The following ZNF292 variants were observed in gnomAD, a reference collection of about 807,000 sequenced individuals.
ZNF292 encodes 16 zinc-finger domain protein.
In ZNF292, 26 loss-of-function variants were observed where a neutral mutation model predicts 217.9. That is an observed-to-expected ratio of 0.12 (90% CI 0.09 to 0.17). The LOEUF is 0.17. Among genes scored for constraint, ZNF292 ranks in the 10% least tolerant of loss-of-function variants. The pLI, the probability that ZNF292 is intolerant of heterozygous loss-of-function variation, is 1.00. For missense variants in ZNF292, 2,904 were observed against 3,175.2 expected (o/e 0.91, Z 2.05); for synonymous variants, 1,257 against 1,124.1 (o/e 1.12, Z -2.37).
At chr6:87,187,880 A>G (rs565070903) in intron 1 of ZNF292, among the ~76,000 whole-genome samples, 2 of 152,234 alleles carry the variant, frequency 1.3e-5, no homozygotes, top group South Asian at 4.2e-4. Context: ...GGATAGAGAA[A>G]GGACAGTGGG....
intron 5 of ZNF292, among the ~76,000 whole-genome samples, chr6:87,239,841 G>A (rs1447165175): frequency 6.6e-6 from 1 of 151,856 alleles, no homozygotes; most frequent in Non-Finnish European, 1.5e-5. Context: ...GATGGCGGCC[G>A]GGAAGAGGCG....
At chr6:87,175,537 C>T (rs1236064500) in intron 1 of ZNF292, among the ~76,000 whole-genome samples, 1 of 152,150 alleles carries the variant, frequency 6.6e-6, no homozygotes, top group Admixed American at 6.5e-5. Context: ...CAGTGTCTCA[C>T]TATGTTGCCC....
chr6:87,222,716 C>T, intron 4 of ZNF292: 3 of 421,638 alleles, frequency 7.1e-6, no homozygotes, highest in Non-Finnish European at 1.4e-5. Context: ...TTAATTAATC[C>T]ATAATTTATT....
intron 1 of ZNF292, among the ~76,000 whole-genome samples, chr6:87,196,835 C>A (rs1043074068): frequency 6.6e-6 from 1 of 152,010 alleles, no homozygotes; most frequent in Non-Finnish European, 1.5e-5. Context: ...TTGTATTATT[C>A]CCAGAAAGCA....
intron 1 of ZNF292, among the ~76,000 whole-genome samples, chr6:87,206,972 GT>G (rs1772276073): frequency 6.6e-6 from 1 of 152,234 alleles, no homozygotes; most frequent in Non-Finnish European, 1.5e-5. Context: ...GATGTAGTTT[GT>G]GAGTTAATGT....
At chr6:87,160,142 G>A (rs1363273649) in intron 1 of ZNF292, among the ~76,000 whole-genome samples, 6 of 152,206 alleles carry the variant, frequency 3.9e-5, no homozygotes, top group Non-Finnish European at 8.8e-5. Context: ...GTCTCTGGAG[G>A]AAGGTAGACA....
At chr6:87,171,905 C>T (rs983394360) in intron 1 of ZNF292, among the ~76,000 whole-genome samples, 83 of 152,270 alleles carry the variant, frequency 5.5e-4, no homozygotes, top group African/African-American at 1.9e-3. Flanking sequence ...ATACCACTAG[C>T]GGAACATACT....
intron 1 of ZNF292, among the ~76,000 whole-genome samples, chr6:87,193,366 G>A (rs1187648747): frequency 2.6e-5 from 4 of 151,918 alleles, no homozygotes; most frequent in Admixed American, 2.0e-4. Context: ...GGAATATGAC[G>A]AAAAACATTT....
chr6:87,206,915 G>C (rs1160374856), intron 1 of ZNF292, among the ~76,000 whole-genome samples: 1 of 152,176 alleles, frequency 6.6e-6, no homozygotes, highest in Non-Finnish European at 1.5e-5. Flanking sequence ...AAGATCTGAA[G>C]TTTCTTTGCA....
chr6:87,222,801 T>C lies in ZNF292; in HGVS notation c.538+4070T>C, dbSNP rs75489193. 2,076 of 453,624 alleles carry C rather than the reference T, an allele frequency of 4.6e-3. 37 individuals carry two copies. The highest frequency in any genetic ancestry group is 0.035 in the African/African-American group (1,738 of 50,080). 28.1% of individuals were successfully genotyped at this position (453,624 alleles called of 1,614,324 possible). On this transcript the variant is annotated intron_variant, in intron 4 of 7. Coordinates refer to ENST00000369577, the MANE Select transcript of ZNF292 (RefSeq NM_015021.3). ...ATCCAGGATACCACATTACATTTAG[T>C]CGTCATGTCTTCTTAGGCTCCTCTT...
In ZNF292 at chr6:87,257,084, A is replaced by G. The variant is rs769058799; in HGVS notation, c.3455A>G (p.Lys1152Arg). 1.2e-6 allele frequency: 2 copies of G among 1,613,902 alleles called. No individual in the cohort carries two copies. Among genetic ancestry groups the G allele is most frequent in the Admixed American group, 3.3e-5 (2 of 59,968 alleles). The stretch of plus-strand genomic sequence containing the variant: ...AACTTAAATACACCAAATAATGGAA[A>G]GTTTGTTTATTTTTTGCCATCACCG... Reference protein sequence around the residue: ...ANNLNTPNNGKFVYFLPSPVN... With the variant: ...ANNLNTPNNGRFVYFLPSPVN... Residue 1152 changes from lysine (K) to arginine (R), a missense_variant, in exon 8 of 8, where the codon AAG becomes AGG. Transcript: ENST00000369577.
intron 3 of ZNF292, 36 bp downstream of exon 3, chr6:87,216,413 A>C: frequency 7.0e-7 from 1 of 1,438,026 alleles, no homozygotes; most frequent in East Asian, 2.4e-5. Context: ...ATACAGGTAT[A>C]TCTTATGTCA....
Position 87,260,255 on chromosome 6 carries a change from C to A in ZNF292, c.6626C>A (p.Ala2209Asp), listed in dbSNP as rs1775493047. ...CCTGAAGAAATTGAAAGTATGACTG[C>A]TTCAGTGGATGTTGGGAAGTTTCCA... ...MTPEEIESMT[A>D]SVDVGKFPCD... is the part of the protein sequence containing the mutation. Residue 2209 changes from alanine to aspartate, a missense_variant, in exon 8 of 8, where the codon GCT (alanine) becomes GAT (aspartate). Around this residue, in one of 15 missense-constraint regions of ZNF292, gnomAD observed 261 missense variants for 272.8 expected, o/e 0.96. Coordinates refer to ENST00000369577, the MANE Select transcript of ZNF292 (RefSeq NM_015021.3). The A allele has an allele frequency of 6.2e-7, 1 of 1,613,574 alleles. No individual in the cohort carries two copies. Among genetic ancestry groups the A allele is most frequent in the African/African-American group, 1.3e-5 (1 of 74,994 alleles).
intron 1 of ZNF292, among the ~76,000 whole-genome samples, chr6:87,204,379 G>A (rs1772179734): frequency 6.6e-6 from 1 of 152,020 alleles, no homozygotes; most frequent in African/African-American, 2.4e-5. Flanking sequence ...CTTGTTTGTA[G>A]GAAATACATA....
At chr6:87,157,848 C>G (rs984779037) in intron 1 of ZNF292, among the ~76,000 whole-genome samples, 1 of 152,070 alleles carries the variant, frequency 6.6e-6, no homozygotes, top group African/African-American at 2.4e-5. Context: ...GCCACCAAGC[C>G]CAGCTAATTT....
intron 1 of ZNF292, among the ~76,000 whole-genome samples, chr6:87,190,922 T>G (rs867116758): frequency 3.9e-5 from 6 of 152,210 alleles, no homozygotes; most frequent in Non-Finnish European, 7.3e-5. Flanking sequence ...ACAAATATCT[T>G]CCTTAAATTG....
intron 7 of ZNF292, 127 bp from the exon 8 acceptor site, chr6:87,254,511 TGCTTTAGAAGGG>T (rs1203180846): frequency 5.2e-6 from 4 of 774,114 alleles, no homozygotes; most frequent in Non-Finnish European, 8.4e-6. Context: ...TAAGCTGCAG[TGCTTTAGAAGGG>T]GAATCCTTTC....
Position 87,256,838 on chromosome 6 carries a change from G to A in ZNF292, c.3209G>A (p.Ser1070Asn). Reference protein sequence around the residue: ...LYNLPLKTLESIAFVPPQSDL... With the variant: ...LYNLPLKTLENIAFVPPQSDL... ...AATTTACCTCTTAAGACATTAGAAAGTATTGCATTTGTTCCACCGCAGTCC... is the reference window on the plus strand; with the variant it reads ...AATTTACCTCTTAAGACATTAGAAAATATTGCATTTGTTCCACCGCAGTCC... Residue 1070 changes from serine (S) to asparagine (N), a missense_variant, in exon 8 of 8, where the codon AGT (serine) becomes AAT (asparagine). By Grantham distance (46) the Ser-to-Asn change is conservative. This residue lies in a region of ZNF292 where 687 missense variants were observed against 623.0 expected (regional missense o/e 1.10). Transcript: ENST00000369577. 2.5e-6 allele frequency: 4 copies of A among 1,613,730 alleles called. No homozygotes were observed. Among genetic ancestry groups the A allele is most frequent in the Non-Finnish European group, 3.4e-6 (4 of 1,179,822 alleles).
chr6:87,174,538 A>T (rs1031828502), intron 1 of ZNF292, among the ~76,000 whole-genome samples: 1 of 151,858 alleles, frequency 6.6e-6, no homozygotes, highest in Admixed American at 6.6e-5. Flanking sequence ...TTCTGACAGT[A>T]TTTTCTTCCT....
Sources: gnomAD v4.1 joint callset for allele counts (sites outside exome capture counted in the v4.1 genomes callset) on GRCh38, gnomAD v4.1.1 for gene constraint, gnomAD v4.1.1 regional missense constraint, MANE v1.5 for transcripts, NCBI Gene and HGNC (gene_info 2026-07-23, HGNC 2026-07-21) for gene names.